EXOC4: variants seen among roughly 807,000 people sequenced by gnomAD.
The protein encoded by EXOC4 is exocyst complex component 4, also known as SEC8-like 1.
A neutral mutation model predicts 107.2 loss-of-function variants in EXOC4; 71 were observed. The observed-to-expected ratio is 0.66, with a 90% CI of 0.55 to 0.81. The LOEUF is 0.81. Among genes scored for constraint, EXOC4 ranks in the 30% least tolerant of loss-of-function variants. The pLI, the probability that EXOC4 is intolerant of heterozygous loss-of-function variation, is 0.00. For synonymous variants in EXOC4, 456 were observed against 441.2 expected (o/e 1.03, Z -0.42); for missense variants, 1,108 against 1,189.6 (o/e 0.93, Z 1.01).
intron 7 of EXOC4, among the ~76,000 whole-genome samples, chr7:133,469,868 G>GGT (rs1317913094): frequency 6.6e-6 from 1 of 152,134 alleles, no homozygotes; most frequent in African/African-American, 2.4e-5. Context: ...ATCTGTAAAA[G>GGT]GTGGTTGCCC....
intron 1 of EXOC4, among the ~76,000 whole-genome samples, chr7:133,274,178 C>T (rs889449753): frequency 6.6e-6 from 1 of 152,162 alleles, no homozygotes; most frequent in African/African-American, 2.4e-5. Context: ...ATGCGGGAAC[C>T]GTCCTGTAGG....
chr7:133,824,356 GTCT>G (rs200049814), intron 11 of EXOC4, among the ~76,000 whole-genome samples: 2,559 of 151,968 alleles, frequency 0.017, 34 homozygotes, highest in Middle Eastern at 0.027. Context: ...TTCAACCTGC[GTCT>G]TCTTCTCATC....
intron 14 of EXOC4, among the ~76,000 whole-genome samples, chr7:133,982,804 C>A (rs1489069932): frequency 2.0e-5 from 3 of 152,140 alleles, no homozygotes; most frequent in Admixed American, 1.3e-4. Context: ...AATATGAACT[C>A]AGGTCAGTCC....
chr7:133,402,240 A>G (rs907087555), intron 7 of EXOC4, among the ~76,000 whole-genome samples: 3 of 152,234 alleles, frequency 2.0e-5, no homozygotes, highest in East Asian at 1.9e-4. Context: ...GCTAATTGCC[A>G]TTAAGTACCC....
chr7:133,848,012 G>A (rs546298001), intron 11 of EXOC4, among the ~76,000 whole-genome samples: 1 of 150,442 alleles, frequency 6.6e-6, no homozygotes, highest in Non-Finnish European at 1.5e-5. Context: ...TTACAGGCAT[G>A]AGCCACCGCG....
intron 17 of EXOC4, chr7:134,008,048 A>G (rs1334157652): frequency 4.1e-6 from 2 of 484,980 alleles, no homozygotes; most frequent in Non-Finnish European, 7.2e-6. Context: ...CCTGATGTCT[A>G]ACCCAAGTTC....
intron 10 of EXOC4, among the ~76,000 whole-genome samples, chr7:133,639,703 G>C (rs1304813738): frequency 6.6e-6 from 1 of 152,078 alleles, no homozygotes; most frequent in East Asian, 1.9e-4. Context: ...GAAGTGCTGG[G>C]TCTGACTTTC....
chr7:134,076,072 C>G, the EXOC4 span, among the ~76,000 whole-genome samples: 1 of 152,176 alleles, frequency 6.6e-6, no homozygotes, highest in Non-Finnish European at 1.5e-5. Context: ...GCAGAAAGAG[C>G]AAGGGAATTT....
chr7:133,363,522 C>T (rs569898768), intron 6 of EXOC4, among the ~76,000 whole-genome samples: 4 of 150,188 alleles, frequency 2.7e-5, no homozygotes, highest in Admixed American at 6.7e-5. Flanking sequence ...TGGTTATAGT[C>T]ATTAGAGAAA....
At chr7:133,608,553 T>C (rs867481049) in intron 9 of EXOC4, among the ~76,000 whole-genome samples, 34 of 142,810 alleles carry the variant, frequency 2.4e-4, no homozygotes, top group Middle Eastern at 3.6e-3. Flanking sequence ...TTTCTTTTTT[T>C]TTTTTTTTTT....
intron 7 of EXOC4, among the ~76,000 whole-genome samples, chr7:133,379,823 T>C (rs1417325835): frequency 6.6e-6 from 1 of 152,196 alleles, no homozygotes; most frequent in Non-Finnish European, 1.5e-5. Context: ...CAGATGTATA[T>C]AATTCCTGTA....
intron 10 of EXOC4, among the ~76,000 whole-genome samples, chr7:133,764,105 G>A (rs552203953): frequency 1.3e-5 from 2 of 152,134 alleles, no homozygotes; most frequent in African/African-American, 4.8e-5. Context: ...GATGAGGTGA[G>A]GAATTAGCAA....
intron 17 of EXOC4, among the ~76,000 whole-genome samples, chr7:134,011,062 C>T (rs1015445300): frequency 6.6e-6 from 1 of 152,138 alleles, no homozygotes; most frequent in Non-Finnish European, 1.5e-5. Context: ...GGTTTTAACC[C>T]CCCTGTTAAT....
chr7:133,379,873 T>C (rs1397564321), intron 7 of EXOC4, among the ~76,000 whole-genome samples: 2 of 152,158 alleles, frequency 1.3e-5, no homozygotes, highest in Non-Finnish European at 2.9e-5. Flanking sequence ...ATAAAGATGA[T>C]TGTAATGAAC....
intron 14 of EXOC4, among the ~76,000 whole-genome samples, chr7:133,983,086 G>A (rs1414543081): frequency 6.6e-6 from 1 of 151,796 alleles, no homozygotes; most frequent in East Asian, 1.9e-4. Context: ...GAAGCTTCCA[G>A]TCATAGCAGA....
intron 17 of EXOC4, chr7:134,010,425 A>G (rs188061612): frequency 6.6e-6 from 1 of 152,092 alleles, no homozygotes; most frequent in East Asian, 1.9e-4. Context: ...TAGCCCTACT[A>G]CTCATAGTCT....
At chr7:133,361,154 C>T (rs1796127573) in intron 6 of EXOC4, among the ~76,000 whole-genome samples, 1 of 152,138 alleles carries the variant, frequency 6.6e-6, no homozygotes, top group African/African-American at 2.4e-5. Context: ...TATATGTGGT[C>T]CCTGTCCTCA....
chr7:133,621,998 A>G (rs1257391631), intron 9 of EXOC4, among the ~76,000 whole-genome samples: 1 of 152,086 alleles, frequency 6.6e-6, no homozygotes, highest in African/African-American at 2.4e-5. Context: ...CAATAAAGAT[A>G]GGGTCTCACT....
chr7:133,571,299 A>G (rs1283687941), intron 9 of EXOC4, among the ~76,000 whole-genome samples: 1 of 152,176 alleles, frequency 6.6e-6, no homozygotes, highest in East Asian at 1.9e-4. Context: ...GAGTGTGGAA[A>G]TTACTAATAA....
Sources: gnomAD v4.1 joint callset for allele counts (sites outside exome capture counted in the v4.1 genomes callset) on GRCh38, gnomAD v4.1.1 for gene constraint, MANE v1.5 for transcripts, NCBI Gene and HGNC (gene_info 2026-07-23, HGNC 2026-07-21) for gene names.